TBC1D17: variants seen among roughly 807,000 people sequenced by gnomAD.
TBC1D17 encodes the protein TBC1 domain family, member 17.
In TBC1D17, 69 loss-of-function variants were observed where a neutral mutation model predicts 78.8. That is an observed-to-expected ratio of 0.88 (90% CI 0.72 to 1.07). The LOEUF (loss-of-function observed/expected upper bound fraction) is 1.07, where lower values mean the gene tolerates loss of function less well. Ranked by LOEUF, TBC1D17 falls within the 50% of genes least tolerant of loss-of-function variation. TBC1D17 has a pLI of 0.00. For missense variants in TBC1D17, 957 were observed against 861.0 expected (o/e 1.11, Z -1.39); for synonymous variants, 456 against 358.3 (o/e 1.27, Z -3.08).
chr19:49,878,600 C>CAG (rs1175773730), intron 3 of TBC1D17, 28 bp downstream of exon 3: 9 of 1,609,146 alleles, frequency 5.6e-6, no homozygotes, highest in Non-Finnish European at 7.7e-6. Flanking sequence ...TGCCCTTCTC[C>CAG]ACTCGCTTTT....
Position 49,878,181 on chromosome 19 carries a change from C to T in TBC1D17, c.60C>T (p.Ser20=). ...FEKGGVYLHT[S]AKKYQDRDSL... is the part of the protein sequence containing the mutation. ...AGGGCGGAGTGTACCTGCACACCAG[C>T]GCTAAGAAGTATCAGGACCGAGACT... The change falls in exon 2 of 17, where the codon AGC becomes AGT. Residue 20 remains serine (S), a synonymous_variant. Transcript: ENST00000221543. The T allele has an allele frequency of 6.3e-7, 1 of 1,576,408 alleles. No individual in the cohort carries two copies. The highest frequency in any genetic ancestry group is 8.6e-7 in the Non-Finnish European group (1 of 1,161,328).
intron 3 of TBC1D17, chr19:49,878,852 G>A (rs781681112): frequency 2.3e-6 from 1 of 436,506 alleles, no homozygotes; most frequent in East Asian, 4.0e-5. Context: ...CAGGGTGCAA[G>A]ATGTGGATTC....
chr19:49,882,778 T>G lies in TBC1D17; in HGVS notation c.813T>G (p.Pro271=), dbSNP rs1250483901. 1.9e-6 allele frequency: 3 copies of G among 1,580,172 alleles called. No homozygotes were observed. The highest frequency in any genetic ancestry group is 2.6e-6 in the Non-Finnish European group (3 of 1,163,572). The part of the protein sequence containing the change: ...FEVISCVELG[P]RPTVERGPPV... Reference sequence around the variant, plus strand: ...TTTGCCTGCAGGTGGAGCTGGGGCCTCGGCCAACCGTGGAGCGGGGCCCTC... The same window carrying G: ...TTTGCCTGCAGGTGGAGCTGGGGCCGCGGCCAACCGTGGAGCGGGGCCCTC... Residue 271 remains proline, a synonymous_variant, in exon 8 of 17, where the codon CCT becomes CCG. Transcript: ENST00000221543.
rs373760628 is a variant in TBC1D17, at chr19:49,878,545, T to C, written c.168T>C (p.Asp56=). 8.1e-5 allele frequency: 130 copies of C among 1,614,112 alleles called. No individual in the cohort carries two copies. The highest frequency in any genetic ancestry group is 1.0e-4 in the Non-Finnish European group (123 of 1,179,996). The change falls in exon 3 of 17, where the codon GAT becomes GAC. Residue 56 remains aspartate (D), a synonymous_variant. Coordinates refer to ENST00000221543, the MANE Select transcript of TBC1D17 (RefSeq NM_024682.3). ...LHWAPVEEAG[D]STQILFSKKD... is the part of the protein sequence containing the mutation. Reference sequence around the variant, plus strand: ...GGGCTCCTGTAGAGGAGGCTGGAGATTCCACCCAAATCCTCTTCTCCAAGA... The same window carrying C: ...GGGCTCCTGTAGAGGAGGCTGGAGACTCCACCCAAATCCTCTTCTCCAAGA...
chr19:49,888,340 G>GCC, intron 16 of TBC1D17, 23 bp downstream of exon 16: 1 of 1,542,866 alleles, frequency 6.5e-7, no homozygotes, highest in Non-Finnish European at 8.7e-7. Flanking sequence ...CCGCCCCGCA[G>GCC]CGCCCCGCCC....
chr19:49,878,990 C>T (rs536532343), intron 3 of TBC1D17: 28 of 189,068 alleles, frequency 1.5e-4, no homozygotes, highest in Middle Eastern at 4.7e-3. Context: ...CATGGCTGGA[C>T]CCCGTCCTGG....
chr19:49,887,857 G>A (rs1568679164), intron 15 of TBC1D17, 23 bp downstream of exon 15: 1 of 1,561,740 alleles, frequency 6.4e-7, no homozygotes, highest in South Asian at 1.2e-5. Context: ...CCCCGCCCCC[G>A]CCCTGTCCCC....
At chr19:49,880,189 CTT>C in intron 3 of TBC1D17, 88 bp from the exon 4 acceptor site, 1 of 1,525,060 alleles carries the variant, frequency 6.6e-7, no homozygotes, top group Admixed American at 1.8e-5. Flanking sequence ...CAGTTTCCCT[CTT>C]TATTCAATGG....
chr19:49,882,005 C>T (rs767078439), intron 5 of TBC1D17, 36 bp from the exon 6 acceptor site: 3 of 1,562,792 alleles, frequency 1.9e-6, no homozygotes, highest in Non-Finnish European at 1.8e-6. Flanking sequence ...GGGCCCCTAC[C>T]TGTGCATCAC....
At position 49,880,311 on chromosome 19, in the gene TBC1D17, G is replaced by A. The variant is rs1333758349; in HGVS notation, c.228G>A (p.Glu76=). The change falls in exon 4 of 17, where the codon GAG becomes GAA. Residue 76 remains glutamate (E), a synonymous_variant. Coordinates refer to ENST00000221543, the MANE Select transcript of TBC1D17 (RefSeq NM_024682.3). Reference sequence around the variant, plus strand: ...GTGGGGGTGACTCATGTGCTTCTGAGGAGGAACCAACCTTTGACCCCGGCT... The same window carrying A: ...GTGGGGGTGACTCATGTGCTTCTGAAGAGGAACCAACCTTTGACCCCGGCT... The part of the protein sequence containing the change: ...DSSGGDSCAS[E]EEPTFDPGYE... 3 of 1,613,984 alleles carry A rather than the reference G, an allele frequency of 1.9e-6. No homozygotes were observed. Among genetic ancestry groups the A allele is most frequent in the Non-Finnish European group, 2.5e-6 (3 of 1,180,012 alleles).
At chr19:49,881,138 A>G (rs1279156074) in intron 4 of TBC1D17, 130 bp from the exon 5 acceptor site, 10 of 726,134 alleles carry the variant, frequency 1.4e-5, no homozygotes, top group Non-Finnish European at 1.8e-5. Flanking sequence ...ATGTGAGGCC[A>G]GGGGCAGAGG....
Position 49,888,632 on chromosome 19 carries a change from A to G in TBC1D17, c.*8A>G, listed in dbSNP as rs2075088199. The G allele has an allele frequency of 1.3e-6, 2 of 1,510,600 alleles. No individual in the cohort carries two copies. Among genetic ancestry groups the G allele is most frequent in the East Asian group, 2.6e-5 (1 of 38,890 alleles). The allele number at this position is 1,510,600 out of a possible 1,614,324, so 93.6% of individuals were successfully genotyped here. A position where few individuals can be genotyped will look rare whatever the true frequency, so the allele number is the denominator to read the frequency against. On this transcript the variant is annotated 3_prime_UTR_variant, in exon 17 of 17. Coordinates refer to ENST00000221543, the MANE Select transcript of TBC1D17 (RefSeq NM_024682.3). ...GAGGGCGCCGACTCCTAACCCCGCCAGGCAGCCTCGTTCTGCACAGGCACT... is the reference window on the plus strand; with the variant it reads ...GAGGGCGCCGACTCCTAACCCCGCCGGGCAGCCTCGTTCTGCACAGGCACT...
At chr19:49,878,467 G>A in intron 2 of TBC1D17, 31 bp from the exon 3 acceptor site, 5 of 1,589,462 alleles carry the variant, frequency 3.1e-6, no homozygotes, top group Middle Eastern at 1.7e-4. Context: ...TTTGGGGAGC[G>A]CCTCTAACCC....
chr19:49,881,048 G>A (rs112808634), intron 4 of TBC1D17, among the ~76,000 whole-genome samples: 13 of 152,236 alleles, frequency 8.5e-5, no homozygotes, highest in South Asian at 2.1e-4. Context: ...CCTGCAGGTC[G>A]AGGGGTGCCT....
At position 49,881,421 on chromosome 19, in the gene TBC1D17, G is replaced by A. The variant is rs912616149; in HGVS notation, c.473G>A (p.Arg158His). ...TCCCTGCCCGCACTGCACTTCCACC[G>A]CGGGGGCACCCGCGCCCTGCTCCGC... ...GGSLPALHFH[R>H]GGTRALLRVL... is the part of the protein sequence containing the mutation. Residue 158 changes from arginine to histidine, a missense_variant, in exon 5 of 17, where the codon CGC becomes CAC. Coordinates refer to ENST00000221543, the MANE Select transcript of TBC1D17 (RefSeq NM_024682.3). 31 of 1,612,360 alleles carry A rather than the reference G, an allele frequency of 1.9e-5. No homozygotes were observed. Among genetic ancestry groups the A allele is most frequent in the South Asian group, 5.5e-5 (5 of 91,074 alleles).
chr19:49,888,691 G>A lies in TBC1D17; in HGVS notation c.*67G>A. The stretch of plus-strand genomic sequence containing the variant: ...AGCCAGGCACACCTGCGAGGGGGCA[G>A]GTGTGCTCCGCCGCCCTGCTGATAA... On this transcript the variant is annotated 3_prime_UTR_variant, in exon 17 of 17. Transcript: ENST00000221543. 2 of 1,381,400 alleles carry A rather than the reference G, an allele frequency of 1.4e-6. No homozygotes were observed. Among genetic ancestry groups the A allele is most frequent in the South Asian group, 1.4e-5 (1 of 72,476 alleles). 85.6% of individuals were successfully genotyped at this position (1,381,400 alleles called of 1,614,324 possible). A position where few individuals can be genotyped will look rare whatever the true frequency, so the allele number is the denominator to read the frequency against.
chr19:49,882,424 T>C (rs1352093697), intron 7 of TBC1D17, 24 bp downstream of exon 7: 2 of 1,586,304 alleles, frequency 1.3e-6, no homozygotes, highest in Admixed American at 3.4e-5. Context: ...GGACCCTCCC[T>C]GTTATTTCTG....
intron 10 of TBC1D17, 55 bp downstream of exon 10, chr19:49,883,800 C>A: frequency 6.7e-7 from 1 of 1,490,714 alleles, no homozygotes; most frequent in Non-Finnish European, 9.3e-7. Context: ...CACAGGAGGG[C>A]CTCAGGCATA....
intron 13 of TBC1D17, chr19:49,885,254 C>T (rs1262255176): frequency 6.0e-6 from 1 of 165,922 alleles, no homozygotes; most frequent in East Asian, 1.7e-4. Context: ...TCAAGACCAG[C>T]CTGACCAACA....
Sources: allele counts gnomAD v4.1 joint callset (sites outside exome capture counted in the v4.1 genomes callset), GRCh38; gene constraint gnomAD v4.1.1; transcripts MANE v1.5; gene names NCBI Gene and HGNC (gene_info 2026-07-23, HGNC 2026-07-21).